ZNHIT6: variants seen among roughly 807,000 people sequenced by gnomAD.
The protein encoded by ZNHIT6 is zinc finger HIT-type containing 6, also known as box C/D snoRNA protein 1.
Under a neutral mutation model 57.2 loss-of-function variants are expected in ZNHIT6, and 45 were observed. The observed-to-expected ratio is 0.79, with a 90% CI of 0.62 to 1.01. ZNHIT6 has a LOEUF of 1.01. Among genes scored for constraint, ZNHIT6 ranks in the 50% least tolerant of loss-of-function variants. The probability of loss-of-function intolerance (pLI) is 0.00; values close to 1 mark genes in which losing one functional copy is unlikely to be tolerated. For synonymous variants in ZNHIT6, 188 were observed against 190.0 expected, an observed-to-expected ratio of 0.99 and a Z score of 0.09; for missense variants, 528 against 567.3, an observed-to-expected ratio of 0.93 and a Z score of 0.70.
At chr1:85,687,310 A>AAAAAAAAAAAAAT (rs1557861254) in intron 5 of ZNHIT6, among the ~76,000 whole-genome samples, 1 of 143,588 alleles carries the variant, frequency 7.0e-6, no homozygotes, top group African/African-American at 2.5e-5. Context: ...AAAAAAAAAA[A>AAAAAAAAAAAAAT]ACAATTTAGA....
At chr1:85,691,123 T>C (rs1012645586) in intron 5 of ZNHIT6, among the ~76,000 whole-genome samples, 2 of 152,192 alleles carry the variant, frequency 1.3e-5, no homozygotes, top group Admixed American at 1.3e-4. Context: ...TGAAAACCAC[T>C]AGTCATAAAA....
intron 5 of ZNHIT6, among the ~76,000 whole-genome samples, chr1:85,682,718 A>G (rs1661913488): frequency 6.6e-6 from 1 of 152,244 alleles, no homozygotes; most frequent in Admixed American, 6.5e-5. Context: ...GTGATCTTCC[A>G]ATATTTCAAA....
chr1:85,687,740 A>T (rs949682804), intron 5 of ZNHIT6, among the ~76,000 whole-genome samples: 1 of 152,178 alleles, frequency 6.6e-6, no homozygotes, highest in Non-Finnish European at 1.5e-5. Flanking sequence ...TTTACTTCTG[A>T]TTTTTAAACA....
chr1:85,658,018 C>T (rs1176324794), intron 8 of ZNHIT6, 47 bp from the exon 9 acceptor site: 1 of 1,258,980 alleles, frequency 7.9e-7, no homozygotes, highest in Admixed American at 2.4e-5. Flanking sequence ...TCTTAATATT[C>T]AAAATTACTA....
chr1:85,676,917 C>A (rs963005825), intron 8 of ZNHIT6, among the ~76,000 whole-genome samples: 6 of 152,022 alleles, frequency 3.9e-5, no homozygotes, highest in Non-Finnish European at 8.8e-5. Flanking sequence ...TTACCACAAA[C>A]CTTCAATTTG....
In ZNHIT6 at chr1:85,662,156, A is replaced by T. The variant is rs959142233; in HGVS notation, c.1248-4185T>A. 3.7e-3 allele frequency among the ~76,000 whole-genome samples: 110 copies of T among 29,756 alleles called. 1 individual carries two copies. Among genetic ancestry groups the T allele is most frequent in the Non-Finnish European group, 8.0e-3 (97 of 12,106 alleles). 19.5% of individuals were successfully genotyped at this position (29,756 alleles called of 152,430 possible). ...CTTTATTAGCAAATTAGTGTGCTTT[A>T]AAAAAAAAAAAAAAACCTCCTCATA... On this transcript the variant is annotated intron_variant, in intron 8 of 9. Coordinates refer to ENST00000370574, the MANE Select transcript of ZNHIT6 (RefSeq NM_017953.4).
rs1203436658 is a variant in ZNHIT6 at position 85,650,417 on chromosome 1, G to A, written c.*3641C>T. 6.6e-6 allele frequency: 1 copy of A among 152,182 alleles called. No individual in the cohort carries two copies. Among genetic ancestry groups the A allele is most frequent in the Admixed American group, 6.5e-5 (1 of 15,280 alleles). 9.4% of individuals were successfully genotyped at this position (152,182 alleles called of 1,614,324 possible). On this transcript the variant is annotated 3_prime_UTR_variant, in exon 10 of 10. Transcript: ENST00000370574. ...GACTGCTTTTGACGTTTGGACCCAG[G>A]ACCCAGTCATTGCCTGGACTTCCCT...
At chr1:85,657,415 C>CTT (rs3835558) in intron 9 of ZNHIT6, among the ~76,000 whole-genome samples, 164 of 135,308 alleles carry the variant, frequency 1.2e-3, no homozygotes, top group Middle Eastern at 4.2e-3. Context: ...GGATACTAGG[C>CTT]TTTTTTTTTT....
At chr1:85,667,026 A>G (rs1661388170) in intron 8 of ZNHIT6, among the ~76,000 whole-genome samples, 2 of 152,192 alleles carry the variant, frequency 1.3e-5, no homozygotes, top group South Asian at 4.1e-4. Context: ...ACAATCCCAA[A>G]AAGGTATAAC....
chr1:85,676,163 C>G (rs1306043431), intron 8 of ZNHIT6, among the ~76,000 whole-genome samples: 6 of 151,964 alleles, frequency 3.9e-5, no homozygotes, highest in African/African-American at 1.4e-4. Flanking sequence ...ATGGAGAAAC[C>G]CCGTCTCTAC....
intron 8 of ZNHIT6, among the ~76,000 whole-genome samples, chr1:85,667,959 A>AC (rs1553155826): frequency 1.7e-4 from 2 of 11,996 alleles, no homozygotes; most frequent in Admixed American, 1.2e-3. Context: ...AAAAAAAAAA[A>AC]AAATATATAT....
At chr1:85,683,448 G>C (rs758686859) in intron 5 of ZNHIT6, among the ~76,000 whole-genome samples, 2 of 151,952 alleles carry the variant, frequency 1.3e-5, no homozygotes, top group East Asian at 3.9e-4. Flanking sequence ...GCTTGAACCC[G>C]GGAGGCGGAG....
intron 5 of ZNHIT6, among the ~76,000 whole-genome samples, chr1:85,694,014 T>C (rs1662289944): frequency 6.6e-6 from 1 of 152,110 alleles, no homozygotes; most frequent in African/African-American, 2.4e-5. Context: ...GCTGTCTGAC[T>C]ATATATGAAA....
chr1:85,661,493 T>C (rs1661222839), intron 8 of ZNHIT6, among the ~76,000 whole-genome samples: 1 of 152,230 alleles, frequency 6.6e-6, no homozygotes, highest in Non-Finnish European at 1.5e-5. Flanking sequence ...AAACTCTAGT[T>C]CAGGACAAAG....
intron 8 of ZNHIT6, among the ~76,000 whole-genome samples, chr1:85,661,824 G>C (rs766931639): frequency 3.3e-5 from 5 of 152,074 alleles, no homozygotes; most frequent in Non-Finnish European, 5.9e-5. Context: ...GCTACCATAA[G>C]ACAAACTACT....
Position 85,677,314 on chromosome 1 carries a change from C to T in ZNHIT6, c.1170-1G>A. The T allele has an allele frequency of 6.2e-7, 1 of 1,603,064 alleles. No individual in the cohort carries two copies. The highest frequency in any genetic ancestry group is 8.5e-7 in the Non-Finnish European group (1 of 1,176,534). ...CTGAGAGCGAATGTAGGCTTTCAAC[C>T]TGAAATAAAAACATCATATTGAAGG... On this transcript the variant is annotated splice_acceptor_variant, in intron 7 of 9. Transcript: ENST00000370574. LOFTEE classifies it high-confidence loss of function.
chr1:85,685,815 T>G (rs960275909), intron 5 of ZNHIT6, among the ~76,000 whole-genome samples: 1 of 152,030 alleles, frequency 6.6e-6, no homozygotes, highest in East Asian at 1.9e-4. Flanking sequence ...TACCTTAGCC[T>G]CCCAAAGTGC....
chr1:85,688,057 A>AG (rs1662115252), intron 5 of ZNHIT6, among the ~76,000 whole-genome samples: 1 of 151,922 alleles, frequency 6.6e-6, no homozygotes, highest in Non-Finnish European at 1.5e-5. Context: ...AAAAAAAAAA[A>AG]GAAATGTCTA....
chr1:85,654,122 C>T lies in ZNHIT6; in HGVS notation c.1373-24G>A, dbSNP rs201517214. The T allele has an allele frequency of 1.7e-5, 28 of 1,602,514 alleles. No individual in the cohort carries two copies. In the East Asian group the frequency reaches 4.7e-4, roughly 27 times the overall value. On this transcript the variant is annotated intron_variant, in intron 9 of 9. Transcript: ENST00000370574. ...CACTAGAAAAAAATAAGTAAACATACAGTCAAGTGTTTATATTTTTCTGTT... is the reference window on the plus strand; with the variant it reads ...CACTAGAAAAAAATAAGTAAACATATAGTCAAGTGTTTATATTTTTCTGTT...
Sources: gnomAD v4.1 joint callset for allele counts (sites outside exome capture counted in the v4.1 genomes callset) on GRCh38, gnomAD v4.1.1 for gene constraint, MANE v1.5 for transcripts, NCBI Gene and HGNC (gene_info 2026-07-23, HGNC 2026-07-21) for gene names.